ZMIZ1: variants seen among roughly 807,000 people sequenced by gnomAD.
ZMIZ1 encodes zinc finger MIZ domain-containing protein 1.
A neutral mutation model predicts 113.9 loss-of-function variants in ZMIZ1; 17 were observed. That is an observed-to-expected ratio of 0.15 (90% CI 0.10 to 0.22). The LOEUF (loss-of-function observed/expected upper bound fraction) is 0.22. ZMIZ1 is among the 10% of genes least tolerant of loss of function. The probability of loss-of-function intolerance (pLI) is 1.00; values close to 1 mark genes in which losing one functional copy is unlikely to be tolerated. For missense variants in ZMIZ1, 1,059 were observed against 1,477.8 expected (o/e 0.72, Z 4.65); for synonymous variants, 607 against 603.1 (o/e 1.01, Z -0.09).
chr10:79,278,363 C>T (rs903183330), intron 8 of ZMIZ1, among the ~76,000 whole-genome samples: 6 of 151,532 alleles, frequency 4.0e-5, no homozygotes, highest in African/African-American at 1.2e-4. Context: ...TAGCAGTGTT[C>T]CTTAGTGCAT....
intron 7 of ZMIZ1, among the ~76,000 whole-genome samples, chr10:79,251,590 C>G (rs1850560580): frequency 6.6e-6 from 1 of 152,180 alleles, no homozygotes; most frequent in Non-Finnish European, 1.5e-5. Flanking sequence ...GTAGAACATG[C>G]AGAATGCCCA....
intron 22 of ZMIZ1, 120 bp downstream of exon 22, chr10:79,306,464 A>G (rs1415297960): frequency 3.4e-6 from 5 of 1,470,924 alleles, no homozygotes; most frequent in Non-Finnish European, 4.5e-6. Flanking sequence ...AGAGAGAAGT[A>G]ACACATCCCC....
intron 3 of ZMIZ1, among the ~76,000 whole-genome samples, chr10:79,144,309 G>A (rs1399085866): frequency 2.0e-5 from 3 of 152,164 alleles, no homozygotes; most frequent in Non-Finnish European, 2.9e-5. Context: ...AACTGCATCC[G>A]TCTGACTCCA....
intron 17 of ZMIZ1, 91 bp downstream of exon 17, chr10:79,301,033 C>T: frequency 2.6e-6 from 4 of 1,525,178 alleles, no homozygotes; most frequent in South Asian, 1.2e-5. Flanking sequence ...CTCTGGTCCT[C>T]AGCCTTGTCC....
intron 1 of ZMIZ1, among the ~76,000 whole-genome samples, chr10:79,086,106 C>G (rs1055047994): frequency 6.6e-6 from 1 of 152,166 alleles, no homozygotes; most frequent in Non-Finnish European, 1.5e-5. Context: ...TCCAGACCCC[C>G]AGGATGTAAT....
At position 79,079,783 on chromosome 10, in the gene ZMIZ1, T is replaced by C. The variant is rs911409009; in HGVS notation, c.-337+10513T>C. Reference sequence around the variant, plus strand: ...TCAGTGTCCCAGAAAGAGCTGGCACTGGGGTGAAGGAAGTCCCCGCCCAGT... The same window carrying C: ...TCAGTGTCCCAGAAAGAGCTGGCACCGGGGTGAAGGAAGTCCCCGCCCAGT... On this transcript the variant is annotated intron_variant, in intron 1 of 24. Coordinates refer to ENST00000334512, the MANE Select transcript of ZMIZ1 (RefSeq NM_020338.4). Among the ~76,000 whole-genome samples, 80 of 152,344 alleles carry C rather than the reference T, an allele frequency of 5.3e-4. 1 individual carries two copies. The highest frequency in any genetic ancestry group is 1.7e-3 in the African/African-American group (71 of 41,580).
chr10:79,288,148 C>T (rs975628700), intron 8 of ZMIZ1, among the ~76,000 whole-genome samples: 13 of 152,346 alleles, frequency 8.5e-5, no homozygotes, highest in African/African-American at 2.6e-4. Flanking sequence ...GGCTGGTCGC[C>T]TCTGCAGGAG....
chr10:79,305,504 G>C, intron 20 of ZMIZ1, 29 bp from the exon 21 acceptor site: 1 of 1,613,534 alleles, frequency 6.2e-7, no homozygotes, highest in Non-Finnish European at 8.5e-7. Context: ...TCCTGGAGCA[G>C]AGGCCAAGCT....
intron 4 of ZMIZ1, among the ~76,000 whole-genome samples, chr10:79,198,798 C>G (rs1189301206): frequency 6.6e-6 from 1 of 152,170 alleles, no homozygotes; most frequent in East Asian, 1.9e-4. Context: ...CTTTGGGGGG[C>G]CGAGGTGGGC....
Position 79,292,176 on chromosome 10 carries a change from C to T in ZMIZ1, c.777C>T (p.Asn259=), listed in dbSNP as rs35995604. Residue 259 remains asparagine, a synonymous_variant, in exon 11 of 25, where the codon AAC becomes AAT. Coordinates refer to ENST00000334512, the MANE Select transcript of ZMIZ1 (RefSeq NM_020338.4). The part of the protein sequence containing the change: ...GFGASYPGGP[N]APAGMGIPPH... ...CCTGCAGTTACCCTGGGGGTCCTAA[C>T]GCCCCCGCAGGCATGGGCATCCCTC... The T allele has an allele frequency of 1.0e-3, 1,674 of 1,609,654 alleles. 16 individuals carry two copies. In the African/African-American group the frequency reaches 0.018, roughly 17 times the overall value.
intron 2 of ZMIZ1, among the ~76,000 whole-genome samples, chr10:79,128,009 A>G (rs184232443): frequency 3.3e-5 from 5 of 152,318 alleles, no homozygotes; most frequent in Admixed American, 1.3e-4. Context: ...GCAAGCATGC[A>G]GTTCCTTGCG....
At chr10:79,081,044 C>T (rs1467745711) in intron 1 of ZMIZ1, among the ~76,000 whole-genome samples, 2 of 152,180 alleles carry the variant, frequency 1.3e-5, no homozygotes, top group Admixed American at 6.5e-5. Flanking sequence ...AGAGCACCTT[C>T]CCATGTGGGC....
At chr10:79,113,677 C>CG (rs1294107239) in intron 1 of ZMIZ1, among the ~76,000 whole-genome samples, 7 of 152,182 alleles carry the variant, frequency 4.6e-5, no homozygotes, top group African/African-American at 1.7e-4. Flanking sequence ...CTTTCCAACT[C>CG]GTTGTCTGTG....
intron 1 of ZMIZ1, among the ~76,000 whole-genome samples, chr10:79,111,766 C>T (rs182961842): frequency 1.2e-4 from 18 of 152,348 alleles, no homozygotes; most frequent in Admixed American, 7.8e-4. Context: ...TGGCTGAGAA[C>T]GTCTCACCCA....
chr10:79,266,750 G>A (rs1851631303), intron 7 of ZMIZ1, among the ~76,000 whole-genome samples: 1 of 152,200 alleles, frequency 6.6e-6, no homozygotes. Context: ...GAGCTGGCAG[G>A]GAGGAGGCCC....
At chr10:79,299,255 T>C (rs1368706454) in intron 16 of ZMIZ1, 64 bp downstream of exon 16, 6 of 1,546,498 alleles carry the variant, frequency 3.9e-6, no homozygotes, top group Non-Finnish European at 5.2e-6. Flanking sequence ...GATGGCTTCC[T>C]TGGGCCCGAG....
At chr10:79,244,713 A>G (rs1850086584) in intron 7 of ZMIZ1, among the ~76,000 whole-genome samples, 2 of 152,312 alleles carry the variant, frequency 1.3e-5, no homozygotes, top group East Asian at 1.9e-4. Context: ...TCATTGGCCC[A>G]TCTTTGAGAG....
intron 4 of ZMIZ1, among the ~76,000 whole-genome samples, chr10:79,190,998 G>A (rs922564599): frequency 1.3e-5 from 2 of 152,160 alleles, no homozygotes; most frequent in Admixed American, 1.3e-4. Context: ...TTGGTACCAG[G>A]TGGTTAACAA....
chr10:79,302,962 C>T (rs185812206), intron 18 of ZMIZ1, among the ~76,000 whole-genome samples: 4 of 151,396 alleles, frequency 2.6e-5, no homozygotes, highest in African/African-American at 4.8e-5. Context: ...CCTAGGTTCA[C>T]GCCATTCTCC....
Sources: allele counts gnomAD v4.1 joint callset (sites outside exome capture counted in the v4.1 genomes callset), GRCh38; gene constraint gnomAD v4.1.1; transcripts MANE v1.5; gene names NCBI Gene and HGNC (gene_info 2026-07-23, HGNC 2026-07-21).